Variants in IPO11 observed in about 807,000 individuals in gnomAD.
IPO11 encodes the protein importin-11.
Under a neutral mutation model 143.2 loss-of-function variants are expected in IPO11, and 66 were observed. The observed-to-expected ratio is 0.46, with a 90% CI of 0.38 to 0.57. The LOEUF is 0.57. IPO11 is among the 20% of genes least tolerant of loss of function. The pLI is 0.00. For missense variants in IPO11, 1,026 were observed against 1,141.0 expected, an observed-to-expected ratio of 0.90 and a Z score of 1.45; for synonymous variants, 385 against 377.8, an observed-to-expected ratio of 1.02 and a Z score of -0.22.
In IPO11 at chr5:62,550,571, A is replaced by G. The variant is rs1317168687; in HGVS notation, c.2346+109A>G. ...CTTTTCTTGTCATTTGGATCATATT[A>G]AATTATGTTAAATTTTCAGGGCGGT... On this transcript the variant is annotated intron_variant, in intron 25 of 29. Transcript: ENST00000325324. 4 of 679,300 alleles carry G rather than the reference A, an allele frequency of 5.9e-6. No homozygotes were observed. The African/African-American group carries it at 7.3e-5, about 12-fold the overall frequency. 42.1% of individuals were successfully genotyped at this position (679,300 alleles called of 1,614,324 possible).
intron 1 of IPO11, among the ~76,000 whole-genome samples, chr5:62,419,466 C>T (rs913660799): frequency 9.9e-5 from 15 of 152,090 alleles, no homozygotes; most frequent in African/African-American, 3.1e-4. Context: ...TTAAAACAGA[C>T]GCAAACACAC....
At chr5:62,500,826 G>T (rs902082861) in intron 16 of IPO11, among the ~76,000 whole-genome samples, 12 of 152,142 alleles carry the variant, frequency 7.9e-5, no homozygotes, top group African/African-American at 2.9e-4. Context: ...TATACTACTG[G>T]CTGTGCAGTA....
At chr5:62,452,068 AC>A in intron 5 of IPO11, 135 bp downstream of exon 5, 1 of 652,434 alleles carries the variant, frequency 1.5e-6, no homozygotes, top group Non-Finnish European at 2.6e-6. Flanking sequence ...ATATGGTGAA[AC>A]CCCATCTCTA....
intron 1 of IPO11, among the ~76,000 whole-genome samples, chr5:62,415,627 C>T (rs1743266427): frequency 6.6e-6 from 1 of 151,960 alleles, no homozygotes; most frequent in African/African-American, 2.4e-5. Flanking sequence ...CACCGCCATG[C>T]CCAGCTAATT....
chr5:62,476,355 CT>C (rs1745957385), intron 8 of IPO11, among the ~76,000 whole-genome samples: 2 of 152,076 alleles, frequency 1.3e-5, no homozygotes, highest in African/African-American at 4.8e-5. Context: ...TCCTTGACTA[CT>C]TTATTTTACA....
At chr5:62,507,594 A>C (rs1012365736) in intron 19 of IPO11, among the ~76,000 whole-genome samples, 2 of 152,196 alleles carry the variant, frequency 1.3e-5, no homozygotes, top group Non-Finnish European at 2.9e-5. Flanking sequence ...CACATCTCCA[A>C]AATGCTTCAG....
intron 1 of IPO11, among the ~76,000 whole-genome samples, chr5:62,416,245 C>A (rs571264071): frequency 1.9e-4 from 28 of 149,912 alleles, no homozygotes; most frequent in Non-Finnish European, 4.0e-4. Flanking sequence ...TGCAGTGGCC[C>A]GCTCTCAGGT....
In IPO11 at chr5:62,453,795, G is replaced by A. The variant is rs1219817115; in HGVS notation, c.516+1862G>A. ...AATTTTTATATACACCAAAGTTTAC[G>A]TCACACCACATTGTGTCCTTTTCAT... On this transcript the variant is annotated intron_variant, in intron 5 of 29. Transcript: ENST00000325324. Among the ~76,000 whole-genome samples, 10 of 152,148 alleles carry A rather than the reference G, an allele frequency of 6.6e-5. No individual in the cohort carries two copies. In the South Asian group the frequency reaches 1.0e-3, roughly 16 times the overall value.
At chr5:62,584,276 GGACAGAGACTTCAATAGTAGTGATCA>G (rs1348746756) in intron 27 of IPO11, among the ~76,000 whole-genome samples, 2 of 151,926 alleles carry the variant, frequency 1.3e-5, no homozygotes, top group Non-Finnish European at 2.9e-5. Flanking sequence ...AGTGGTGATG[GGACAGAGACTTCAATAGTAGTGATCA>G]GGAGATAGGA....
At chr5:62,514,465 G>A (rs1332674168) in intron 19 of IPO11, among the ~76,000 whole-genome samples, 6 of 151,894 alleles carry the variant, frequency 4.0e-5, no homozygotes, top group South Asian at 2.1e-4. Context: ...GGCGGCGCAC[G>A]CCTGCAATCG....
At chr5:62,489,745 A>T (rs1246253311) in intron 14 of IPO11, among the ~76,000 whole-genome samples, 2 of 152,168 alleles carry the variant, frequency 1.3e-5, no homozygotes, top group African/African-American at 4.8e-5. Flanking sequence ...AATTGTGACT[A>T]TTTTGGTTTA....
At chr5:62,450,266 G>A (rs1233043618) in intron 4 of IPO11, among the ~76,000 whole-genome samples, 1 of 152,124 alleles carries the variant, frequency 6.6e-6, no homozygotes, top group Non-Finnish European at 1.5e-5. Context: ...TGTATTTAAA[G>A]CAAATCTCTC....
At position 62,484,051 on chromosome 5, in the gene IPO11, G is replaced by T. The variant is rs142345152; in HGVS notation, c.1063G>T (p.Ala355Ser). The T allele has an allele frequency of 1.1e-5, 17 of 1,608,168 alleles. No individual in the cohort carries two copies. In the African/African-American group the frequency reaches 2.1e-4, roughly 20 times the overall value. The change falls in exon 11 of 30, where the codon GCA becomes TCA. Residue 355 changes from alanine (A) to serine (S), a missense_variant. This residue lies in a region of IPO11 where 429 missense variants were observed against 456.3 expected (regional missense o/e 0.94). Coordinates refer to ENST00000325324, the MANE Select transcript of IPO11 (RefSeq NM_016338.5). ...ETLEAHKIKMAFFTYPTLTEI... is the reference protein window; with the variant it reads ...ETLEAHKIKMSFFTYPTLTEI... ...TCTTGAAGCCCATAAGATTAAGATG[G>T]CATTCTTCACATATCCTACTTTGAC... is the stretch of plus-strand genomic sequence containing the variant.
rs1341437158 is a variant in IPO11 at position 62,598,417 on chromosome 5, T to C, written c.2679-3347T>C. On this transcript the variant is annotated intron_variant, in intron 28 of 29. Coordinates refer to ENST00000325324, the MANE Select transcript of IPO11 (RefSeq NM_016338.5). ...CTTTCTTTCTTTCTTTCTTTCTTTC[T>C]TTCTTTCTTTCTTTCTCTCTCTCTC... 4.5e-4 allele frequency among the ~76,000 whole-genome samples: 5 copies of C among 11,184 alleles called. 1 individual carries two copies. The African/African-American group carries it at 8.0e-3, about 18-fold the overall frequency. 7.3% of individuals were successfully genotyped at this position (11,184 alleles called of 152,430 possible).
chr5:62,556,173 A>G (rs748252890), intron 26 of IPO11, among the ~76,000 whole-genome samples: 16 of 152,058 alleles, frequency 1.1e-4, no homozygotes, highest in Admixed American at 1.3e-4. Flanking sequence ...AAATGGCTTA[A>G]CTTTTGACAG....
intron 27 of IPO11, among the ~76,000 whole-genome samples, chr5:62,564,091 G>C (rs1164074765): frequency 6.6e-6 from 1 of 152,022 alleles, no homozygotes; most frequent in East Asian, 1.9e-4. Context: ...TAATGTGGTA[G>C]TAGAATTTTA....
intron 29 of IPO11, among the ~76,000 whole-genome samples, chr5:62,602,798 G>A (rs1745554193): frequency 1.3e-5 from 2 of 152,092 alleles, no homozygotes; most frequent in Admixed American, 1.3e-4. Flanking sequence ...GTAGAGGAAA[G>A]GACAACATCC....
At chr5:62,439,216 G>A (rs146300476) in intron 2 of IPO11, among the ~76,000 whole-genome samples, 3 of 151,358 alleles carry the variant, frequency 2.0e-5, no homozygotes, top group Non-Finnish European at 4.4e-5. Context: ...AAAACCAATA[G>A]GCATTGCTTA....
At chr5:62,546,563 G>A (rs536387184) in intron 24 of IPO11, among the ~76,000 whole-genome samples, 2 of 152,098 alleles carry the variant, frequency 1.3e-5, no homozygotes, top group South Asian at 2.1e-4. Context: ...AAACCTGCAC[G>A]TTGTGCACTT....
Sources: allele counts gnomAD v4.1 joint callset (sites outside exome capture counted in the v4.1 genomes callset), GRCh38; gene constraint gnomAD v4.1.1; regional missense constraint gnomAD v4.1.1; transcripts MANE v1.5; gene names NCBI Gene and HGNC (gene_info 2026-07-23, HGNC 2026-07-21).